Variants in MED13 observed in about 807,000 individuals in gnomAD.
MED13 encodes mediator of RNA polymerase II transcription subunit 13.
MED13 carries 23 observed loss-of-function variants against 225.2 expected under a neutral mutation model. The observed-to-expected ratio is 0.10, with a 90% CI of 0.07 to 0.14. The LOEUF (loss-of-function observed/expected upper bound fraction) is 0.14, where lower values mean the gene tolerates loss of function less well. Ranked by LOEUF, MED13 falls within the 10% of genes least tolerant of loss-of-function variation. MED13 has a pLI of 1.00. For synonymous variants in MED13, 942 were observed against 889.2 expected (o/e 1.06, Z -1.06); for missense variants, 2,197 against 2,594.5 (o/e 0.85, Z 3.33).
In MED13 at chr17:62,015,915, C is replaced by CACATATATATATAT. The variant is rs1230248036; in HGVS notation, c.1284-4683_1284-4682insATATATATATATGT. The stretch of plus-strand genomic sequence containing the variant: ...CACACACACACATACACACTATACA[C>CACATATATATATAT]ATATATATATATATATATATATATA... On this transcript the variant is annotated intron_variant, in intron 8 of 29. Coordinates refer to ENST00000397786, the MANE Select transcript of MED13 (RefSeq NM_005121.3). Among the ~76,000 whole-genome samples, 26 of 8,606 alleles carry CACATATATATATAT rather than the reference C, an allele frequency of 3.0e-3. 1 individual carries two copies. Among genetic ancestry groups the CACATATATATATAT allele is most frequent in the South Asian group, 0.026 (4 of 152 alleles). 5.6% of individuals were successfully genotyped at this position (8,606 alleles called of 152,430 possible).
intron 8 of MED13, among the ~76,000 whole-genome samples, chr17:62,025,082 G>A (rs2080687805): frequency 6.6e-6 from 1 of 151,948 alleles, no homozygotes; most frequent in African/African-American, 2.4e-5. Flanking sequence ...ATGGTAGTTT[G>A]GGAAAAGCTT....
At chr17:62,050,626 G>A (rs188957026) in intron 3 of MED13, among the ~76,000 whole-genome samples, 2 of 152,300 alleles carry the variant, frequency 1.3e-5, no homozygotes, top group Admixed American at 6.5e-5. Flanking sequence ...TGCTTCTGAG[G>A]AGCAAATCTA....
At chr17:62,032,181 C>T (rs1421241103) in intron 5 of MED13, among the ~76,000 whole-genome samples, 1 of 150,300 alleles carries the variant, frequency 6.7e-6, no homozygotes, top group African/African-American at 2.4e-5. Flanking sequence ...CAAACAACAA[C>T]AAAAAAAACA....
rs1205162860 is a variant in MED13, at chr17:61,986,515, AT to A, written c.2385+491del. Among the ~76,000 whole-genome samples the A allele has an allele frequency of 3.3e-5, 5 of 152,228 alleles. No homozygotes were observed. The South Asian group carries it at 8.3e-4, about 25-fold the overall frequency. The stretch of plus-strand genomic sequence containing the variant: ...AAATGGGTGTTAAAGATTAAATATT[AT>A]TTTTTTCCTCTTTTATTGTTATATC... On this transcript the variant is annotated intron_variant, in intron 12 of 29. Coordinates refer to ENST00000397786, the MANE Select transcript of MED13 (RefSeq NM_005121.3).
rs200094128 is a variant in MED13, at chr17:62,010,696, T to C, written c.1821A>G (p.Glu607=). 2.3e-5 allele frequency: 36 copies of C among 1,562,102 alleles called. No homozygotes were observed. Among genetic ancestry groups the C allele is most frequent in the Non-Finnish European group, 3.0e-5 (35 of 1,153,282 alleles). The change falls in exon 9 of 30, where the codon GAA becomes GAG. Residue 607 remains glutamate, a synonymous_variant. Coordinates refer to ENST00000397786, the MANE Select transcript of MED13 (RefSeq NM_005121.3). The part of the protein sequence containing the change: ...TVYVGTAVNL[E]EDEANIAWKY... ...TCCAGGCTATATTGGCTTCATCTTC[T>C]TCCAAGTTTACTGCTGTACCAACAT... is the stretch of plus-strand genomic sequence containing the variant.
At chr17:62,025,037 G>GAT (rs2080687218) in intron 8 of MED13, among the ~76,000 whole-genome samples, 2 of 152,058 alleles carry the variant, frequency 1.3e-5, no homozygotes, top group Non-Finnish European at 2.9e-5. Context: ...TATTCCTCTG[G>GAT]GTATATATAT....
chr17:62,064,251 T>C (rs993201290), intron 1 of MED13, among the ~76,000 whole-genome samples: 1 of 152,244 alleles, frequency 6.6e-6, no homozygotes, highest in South Asian at 2.1e-4. Flanking sequence ...GCTCAGCTAC[T>C]GTCCCATACA....
Position 61,982,478 on chromosome 17 carries a change from A to C in MED13, c.3525T>G (p.Asn1175Lys). Residue 1175 changes from asparagine to lysine, a missense_variant, in exon 16 of 30, where the codon AAT becomes AAG. By Grantham distance (94) the Asn-to-Lys change is moderately conservative (BLOSUM62 0). This residue lies in a region of MED13 where 203 missense variants were observed against 209.7 expected (regional missense o/e 0.97). Transcript: ENST00000397786. Reference protein sequence around the residue: ...ALRATSAEHVNGGLKESEKLS... With the variant: ...ALRATSAEHVKGGLKESEKLS... ...ATTTTTCAGATTCCTTTAGTCCTCC[A>C]TTAACATGTTCAGCAGAGGTAGCCC... 1 of 1,614,240 alleles carries C rather than the reference A, an allele frequency of 6.2e-7. No homozygotes were observed. Among genetic ancestry groups the C allele is most frequent in the Non-Finnish European group, 8.5e-7 (1 of 1,180,048 alleles).
intron 16 of MED13, among the ~76,000 whole-genome samples, chr17:61,978,433 G>A (rs1264891886): frequency 6.6e-6 from 1 of 152,038 alleles, no homozygotes; most frequent in African/African-American, 2.4e-5. Flanking sequence ...TGTATTTTTA[G>A]TAGAGATGGG....
intron 17 of MED13, among the ~76,000 whole-genome samples, chr17:61,971,932 TC>T: frequency 6.6e-6 from 1 of 151,874 alleles, no homozygotes; most frequent in South Asian, 2.1e-4. Flanking sequence ...AGACTCTGTC[TC>T]CAAAAAAAAC....
In MED13 at chr17:61,968,078, T is replaced by C. The variant is rs1449256433; in HGVS notation, c.4148A>G (p.Asn1383Ser). ...ATCTCTAAAAAAGCTTTTTGCTCCA[T>C]TTAACAAGGCTTCATTTTCTGGACA... is the stretch of plus-strand genomic sequence containing the variant. ...VLCPENEALL[N>S]GAKSFFRDLT... The change falls in exon 18 of 30, where the codon AAT (asparagine) becomes AGT (serine). Residue 1383 changes from asparagine to serine, a missense_variant. This residue lies in a region of MED13 where 47 missense variants were observed against 93.8 expected (regional missense o/e 0.50). Transcript: ENST00000397786. 6.2e-7 allele frequency: 1 copy of C among 1,614,048 alleles called. No individual in the cohort carries two copies. The highest frequency in any genetic ancestry group is 1.1e-5 in the South Asian group (1 of 91,072).
At chr17:61,986,852 A>AT (rs535800178) in intron 12 of MED13, among the ~76,000 whole-genome samples, 155 bp downstream of exon 12, 214 of 152,376 alleles carry the variant, frequency 1.4e-3, no homozygotes, top group African/African-American at 5.0e-3. Flanking sequence ...CAAACATGAG[A>AT]TTTAAAAAAG....
rs572675722 is a variant in MED13 at position 62,010,416 on chromosome 17, A to C, written c.1967+134T>G. 2.6e-5 allele frequency: 14 copies of C among 540,746 alleles called. No homozygotes were observed. The African/African-American group carries it at 2.7e-4, about 11-fold the overall frequency. The allele number at this position is 540,746 out of a possible 1,614,324, so 33.5% of individuals were successfully genotyped here. On this transcript the variant is annotated intron_variant, in intron 9 of 29. Transcript: ENST00000397786. ...CCTGAGGAAAAAACACAGTAAAGGA[A>C]TAATGCAAAGTTAATACTCAATGAA...
At chr17:62,051,937 TAGG>T (rs1466660327) in intron 3 of MED13, among the ~76,000 whole-genome samples, 1 of 152,178 alleles carries the variant, frequency 6.6e-6, no homozygotes, top group East Asian at 1.9e-4. Context: ...TTTAATTGCA[TAGG>T]AGAAGGAGGT....
At chr17:61,972,057 G>C (rs920235623) in intron 17 of MED13, among the ~76,000 whole-genome samples, 6 of 152,136 alleles carry the variant, frequency 3.9e-5, no homozygotes, top group Non-Finnish European at 7.3e-5. Context: ...AGGGAGAAAA[G>C]GAAAATATAG....
At chr17:62,038,872 AC>A (rs973846090) in intron 3 of MED13, among the ~76,000 whole-genome samples, 42 of 151,842 alleles carry the variant, frequency 2.8e-4, no homozygotes, top group African/African-American at 1.0e-3. Flanking sequence ...GGGGGGGCTC[AC>A]TATGTTGCCC....
intron 17 of MED13, among the ~76,000 whole-genome samples, chr17:61,968,828 TGCA>T (rs1260240719): frequency 6.6e-6 from 1 of 152,202 alleles, no homozygotes; most frequent in Non-Finnish European, 1.5e-5. Flanking sequence ...CACGCCTTAC[TGCA>T]GCATTAACCT....
At position 61,956,282 on chromosome 17, in the gene MED13, C is replaced by A. The variant is rs570700107; in HGVS notation, c.5623+57G>T. On this transcript the variant is annotated intron_variant, in intron 24 of 29. Coordinates refer to ENST00000397786, the MANE Select transcript of MED13 (RefSeq NM_005121.3). Reference sequence around the variant, plus strand: ...CATATATACCTAGACGTGGTCAGAACTGTGTGTGAATTTACATAAAACGGA... The same window carrying A: ...CATATATACCTAGACGTGGTCAGAAATGTGTGTGAATTTACATAAAACGGA... The A allele has an allele frequency of 1.1e-5, 17 of 1,527,988 alleles. No homozygotes were observed. In the East Asian group the frequency reaches 2.7e-4, roughly 24 times the overall value. The allele number at this position is 1,527,988 out of a possible 1,614,324, so 94.7% of individuals were successfully genotyped here.
chr17:62,036,108 G>GA (rs781762785), intron 3 of MED13, among the ~76,000 whole-genome samples: 30 of 143,356 alleles, frequency 2.1e-4, no homozygotes, highest in Non-Finnish European at 4.0e-4. Flanking sequence ...TTTTTTTAAA[G>GA]AAAAAAAAAG....
Sources: gnomAD v4.1 joint callset for allele counts (sites outside exome capture counted in the v4.1 genomes callset) on GRCh38, gnomAD v4.1.1 for gene constraint, gnomAD v4.1.1 regional missense constraint, MANE v1.5 for transcripts, NCBI Gene and HGNC (gene_info 2026-07-23, HGNC 2026-07-21) for gene names.